Variants in TMEM182 observed in about 807,000 individuals in gnomAD.
The protein encoded by TMEM182 is transmembrane protein 182.
In TMEM182, 20 loss-of-function variants were observed where a neutral mutation model predicts 26.8. The observed-to-expected ratio is 0.75, with a 90% confidence interval of 0.53 to 1.09. The LOEUF (loss-of-function observed/expected upper bound fraction) is 1.09. Ranked by LOEUF, TMEM182 falls within the 50% of genes least tolerant of loss-of-function variation. The pLI is 0.00. For missense variants in TMEM182, 277 were observed against 275.5 expected, an observed-to-expected ratio of 1.01 and a Z score of -0.04; for synonymous variants, 109 against 102.2, an observed-to-expected ratio of 1.07 and a Z score of -0.40.
intron 3 of TMEM182, among the ~76,000 whole-genome samples, chr2:102,838,356 ACAATGTGTGTAG>A (rs1683285123): frequency 6.6e-6 from 1 of 152,182 alleles, no homozygotes; most frequent in Non-Finnish European, 1.5e-5. Flanking sequence ...TCCTATTTTC[ACAATGTGTGTAG>A]CACATAACTA....
chr2:102,843,003 C>A (rs1211174942), intron 3 of TMEM182, among the ~76,000 whole-genome samples: 1 of 152,130 alleles, frequency 6.6e-6, no homozygotes, highest in East Asian at 1.9e-4. Flanking sequence ...ACAATGTATA[C>A]AAACAGATAC....
rs1481308395 is a variant in TMEM182 at position 102,815,863 on chromosome 2, A to G, written c.*895A>G. 4 of 910,924 alleles carry G rather than the reference A, an allele frequency of 4.4e-6. No homozygotes were observed. Among genetic ancestry groups the G allele is most frequent in the Non-Finnish European group, 5.2e-6 (4 of 762,644 alleles). 56.4% of individuals were successfully genotyped at this position (910,924 alleles called of 1,614,324 possible). A position where few individuals can be genotyped will look rare whatever the true frequency, so the allele number is the denominator to read the frequency against. On this transcript the variant is annotated 3_prime_UTR_variant, in exon 5 of 5. Transcript: ENST00000412401. ...ATAAAATGTGATTTTAATATTTTTT[A>G]GATATAAACTTTCAACGTACTTCCA...
intron 4 of TMEM182, among the ~76,000 whole-genome samples, chr2:102,804,595 T>A (rs1039139683): frequency 6.6e-6 from 1 of 152,210 alleles, no homozygotes; most frequent in African/African-American, 2.4e-5. Context: ...AGTGGTTTTT[T>A]AAAAGCTTCT....
chr2:102,795,337 T>C (rs1389403562), intron 3 of TMEM182, among the ~76,000 whole-genome samples: 3 of 152,222 alleles, frequency 2.0e-5, no homozygotes. Flanking sequence ...TCAGGTTGTA[T>C]CCTGGACACC....
chr2:102,747,530 T>C (rs1424800223), intron 1 of TMEM182, among the ~76,000 whole-genome samples: 2 of 152,330 alleles, frequency 1.3e-5, no homozygotes, highest in Non-Finnish European at 2.9e-5. Flanking sequence ...GCAGAGGTCA[T>C]GACAACAGGA....
At chr2:102,740,369 T>C (rs538861511) in intron 1 of TMEM182, among the ~76,000 whole-genome samples, 1 of 152,134 alleles carries the variant, frequency 6.6e-6, no homozygotes, top group South Asian at 2.1e-4. Flanking sequence ...TCAAGAGTAC[T>C]GATGGTTTTA....
intron 1 of TMEM182, among the ~76,000 whole-genome samples, chr2:102,740,328 C>G (rs1335330044): frequency 6.6e-6 from 1 of 152,092 alleles, no homozygotes; most frequent in East Asian, 1.9e-4. Context: ...GTGGTTACCT[C>G]CATGCTGTTC....
At chr2:102,822,879 A>T (rs1314741778) in intron 3 of TMEM182, among the ~76,000 whole-genome samples, 1 of 152,168 alleles carries the variant, frequency 6.6e-6, no homozygotes, top group African/African-American at 2.4e-5. Flanking sequence ...ATTCAATTTG[A>T]CAAAAGAAGA....
intron 3 of TMEM182, among the ~76,000 whole-genome samples, chr2:102,835,686 A>T (rs1683231844): frequency 6.6e-6 from 1 of 151,882 alleles, no homozygotes; most frequent in South Asian, 2.1e-4. Flanking sequence ...TTCTTTTTTT[A>T]AATTTATTTA....
At chr2:102,789,565 C>G (rs1333140932) in intron 3 of TMEM182, among the ~76,000 whole-genome samples, 6 of 152,212 alleles carry the variant, frequency 3.9e-5, no homozygotes, top group Non-Finnish European at 8.8e-5. Context: ...TATGTCATCT[C>G]CATCCCAGCT....
chr2:102,762,538 A>G (rs1253799556), intron 1 of TMEM182, 49 bp from the exon 2 acceptor site: 16 of 1,576,860 alleles, frequency 1.0e-5, no homozygotes, highest in Middle Eastern at 1.7e-4. Context: ...AATGATTTTG[A>G]TTATATTTCT....
intron 3 of TMEM182, among the ~76,000 whole-genome samples, chr2:102,770,513 G>T (rs547877458): frequency 6.6e-6 from 1 of 152,156 alleles, no homozygotes; most frequent in African/African-American, 2.4e-5. Flanking sequence ...CTCCCTCAGG[G>T]ATCCCATTCC....
Position 102,817,163 on chromosome 2 carries a change from A to C in TMEM182, c.*2195A>C. On this transcript the variant is annotated 3_prime_UTR_variant, in exon 5 of 5. Transcript: ENST00000412401. Reference sequence around the variant, plus strand: ...AGTGAAATATACTTAAAAATGGCAGAGTTATATAGTACATTATTGTAGCAA... The same window carrying C: ...AGTGAAATATACTTAAAAATGGCAGCGTTATATAGTACATTATTGTAGCAA... 3.0e-6 allele frequency: 3 copies of C among 985,358 alleles called. No individual in the cohort carries two copies. Among genetic ancestry groups the C allele is most frequent in the Non-Finnish European group, 3.6e-6 (3 of 829,858 alleles). The allele number at this position is 985,358 out of a possible 1,614,324, so 61.0% of individuals were successfully genotyped here.
chr2:102,768,644 T>C (rs1680556839), intron 3 of TMEM182, among the ~76,000 whole-genome samples: 1 of 152,058 alleles, frequency 6.6e-6, no homozygotes, highest in Admixed American at 6.6e-5. Flanking sequence ...GAGGTTGCGA[T>C]GAGCTGAGAT....
chr2:102,779,465 A>G (rs1029426448), intron 3 of TMEM182, among the ~76,000 whole-genome samples: 2 of 152,102 alleles, frequency 1.3e-5, no homozygotes, highest in South Asian at 4.1e-4. Context: ...CGTGAATGTT[A>G]GACCTTTTGT....
intron 1 of TMEM182, among the ~76,000 whole-genome samples, chr2:102,747,990 G>A (rs1005643427): frequency 3.9e-5 from 6 of 151,990 alleles, no homozygotes; most frequent in South Asian, 2.1e-4. Flanking sequence ...GTAACACTAC[G>A]AAGGTCAGGC....
At chr2:102,796,414 C>T (rs1262802737) in intron 3 of TMEM182, among the ~76,000 whole-genome samples, 2 of 152,180 alleles carry the variant, frequency 1.3e-5, no homozygotes, top group Non-Finnish European at 2.9e-5. Flanking sequence ...GATTATACCC[C>T]TAGCACTTGG....
intron 3 of TMEM182, among the ~76,000 whole-genome samples, chr2:102,791,904 C>T (rs1046399081): frequency 6.6e-6 from 1 of 152,040 alleles, no homozygotes; most frequent in Non-Finnish European, 1.5e-5. Context: ...ACTCAGTTTT[C>T]TCTGAGATAC....
intron 1 of TMEM182, among the ~76,000 whole-genome samples, chr2:102,738,310 C>G (rs796172971): frequency 2.0e-5 from 3 of 152,214 alleles, no homozygotes; most frequent in African/African-American, 7.2e-5. Flanking sequence ...AATTGGAAGT[C>G]ACGGCCAGGC....
Sources: allele counts gnomAD v4.1 joint callset (sites outside exome capture counted in the v4.1 genomes callset), GRCh38; gene constraint gnomAD v4.1.1; transcripts MANE v1.5; gene names NCBI Gene and HGNC (gene_info 2026-07-23, HGNC 2026-07-21).